The following ZNF19 variants were observed in gnomAD, a reference collection of about 807,000 sequenced individuals.
ZNF19 encodes the protein zinc finger protein 19 (KOX 12).
A neutral mutation model predicts 13.1 loss-of-function variants in ZNF19; 11 were observed. The observed-to-expected ratio is 0.84, with a 90% CI of 0.53 to 1.39. The LOEUF is 1.39. ZNF19 is among the 40% of genes most tolerant of loss of function. ZNF19 has a pLI of 0.00. For missense variants in ZNF19, 560 were observed against 547.0 expected, an observed-to-expected ratio of 1.02 and a Z score of -0.24; for synonymous variants, 186 against 187.0, an observed-to-expected ratio of 0.99 and a Z score of 0.04.
At chr16:71,486,696 C>T (rs2145174300) in intron 1 of ZNF19, among the ~76,000 whole-genome samples, 1 of 152,282 alleles carries the variant, frequency 6.6e-6, no homozygotes, top group African/African-American at 2.4e-5. Flanking sequence ...GTTACAGCAG[C>T]AATAGAAAAT....
At chr16:71,482,021 T>C (rs996188802) in intron 3 of ZNF19, 61 bp downstream of exon 3, 2 of 1,583,816 alleles carry the variant, frequency 1.3e-6, no homozygotes, top group Non-Finnish European at 1.7e-6. Flanking sequence ...ATCACCTTTA[T>C]CCACCTCATT....
At chr16:71,484,565 T>C in intron 2 of ZNF19, 24 bp downstream of exon 2, 1 of 985,398 alleles carries the variant, frequency 1.0e-6, no homozygotes, top group Non-Finnish European at 1.2e-6. Context: ...CAAGGACTCC[T>C]AGGCGACAAA....
At chr16:71,484,447 C>G (rs1255657312) in intron 2 of ZNF19, 142 bp downstream of exon 2, 2 of 923,050 alleles carry the variant, frequency 2.2e-6, no homozygotes, top group Admixed American at 1.2e-4. Flanking sequence ...GACCGGCCCG[C>G]GAGCAGCCTC....
intron 2 of ZNF19, among the ~76,000 whole-genome samples, chr16:71,483,495 G>C (rs901469910): frequency 6.6e-6 from 1 of 152,078 alleles, no homozygotes; most frequent in Non-Finnish European, 1.5e-5. Context: ...TCTTCTGTAT[G>C]AACTACTCTT....
At chr16:71,484,023 C>T (rs1020957632) in intron 2 of ZNF19, among the ~76,000 whole-genome samples, 3 of 152,248 alleles carry the variant, frequency 2.0e-5, no homozygotes, top group Non-Finnish European at 4.4e-5. Flanking sequence ...GGATCAAGAA[C>T]ACTGTAGTAG....
At chr16:71,484,121 C>A (rs778346585) in intron 2 of ZNF19, among the ~76,000 whole-genome samples, 1 of 152,242 alleles carries the variant, frequency 6.6e-6, no homozygotes, top group Non-Finnish European at 1.5e-5. Flanking sequence ...ACTTGGTCTT[C>A]GATCTACGTG....
chr16:71,476,052 C>T lies in ZNF19; in HGVS notation c.495G>A (p.Glu165=). 1 of 1,614,226 alleles carries T rather than the reference C, an allele frequency of 6.2e-7. No individual in the cohort carries two copies. The highest frequency in any genetic ancestry group is 8.5e-7 in the Non-Finnish European group (1 of 1,180,022). The stretch of plus-strand genomic sequence containing the variant: ...AAAAGTAGCTGAAGGATTTCCCACA[C>T]TCCTCACATATGAAAGGTTTCCTTG... ...PCARKPFICE[E]CGKSFSYFSY... The change falls in exon 6 of 6, where the codon GAG becomes GAA. Residue 165 remains glutamate, a synonymous_variant. Coordinates refer to ENST00000288177, the MANE Select transcript of ZNF19 (RefSeq NM_006961.4).
rs1283408388 is a variant in ZNF19 at position 71,475,479 on chromosome 16, G to C, written c.1068C>G (p.Pro356=). Residue 356 remains proline (P), a synonymous_variant, in exon 6 of 6, where the codon CCC becomes CCG. Transcript: ENST00000288177. ...CTTTTCCACAATCTACACAGTCAAA[G>C]GGTTTCTCCTCACTGTGAATTCTCT... is the stretch of plus-strand genomic sequence containing the variant. ...RHQRIHSEEK[P]FDCVDCGKAF... The C allele has an allele frequency of 1.2e-6, 2 of 1,614,042 alleles. No individual in the cohort carries two copies. Among genetic ancestry groups the C allele is most frequent in the Non-Finnish European group, 1.7e-6 (2 of 1,180,040 alleles).
chr16:71,483,530 T>A (rs1462732262), intron 2 of ZNF19, among the ~76,000 whole-genome samples: 1 of 152,156 alleles, frequency 6.6e-6, no homozygotes, highest in African/African-American at 2.4e-5. Flanking sequence ...CCATTACAAC[T>A]GAGATTCTCT....
At chr16:71,487,623 TC>T (rs2043688501) in intron 1 of ZNF19, among the ~76,000 whole-genome samples, 1 of 152,206 alleles carries the variant, frequency 6.6e-6, no homozygotes, top group African/African-American at 2.4e-5. Flanking sequence ...AGCCTAACTA[TC>T]CAGCTCTCCC....
intron 1 of ZNF19, among the ~76,000 whole-genome samples, chr16:71,488,369 A>G (rs1443306667): frequency 4.0e-5 from 6 of 149,666 alleles, no homozygotes; most frequent in African/African-American, 7.4e-5. Flanking sequence ...AAAAAAAAAA[A>G]AAAAGAAAAA....
At chr16:71,484,933 T>C (rs1257998683) in intron 1 of ZNF19, among the ~76,000 whole-genome samples, 185 bp from the exon 2 acceptor site, 1 of 152,216 alleles carries the variant, frequency 6.6e-6, no homozygotes, top group Admixed American at 6.5e-5. Context: ...GCTATTCTCG[T>C]CACTAATTTG....
At position 71,475,968 on chromosome 16, in the gene ZNF19, C is replaced by G; in HGVS notation, c.579G>C (p.Glu193Asp). ...AATTACCATTAAAGGCTTTTCCACACTCACTACACTCAAAAGGTTTCTCCC... is the reference window on the plus strand; with the variant it reads ...AATTACCATTAAAGGCTTTTCCACAGTCACTACACTCAAAAGGTTTCTCCC... ...HTGEKPFECS[E>D]CGKAFNGNSS... The change falls in exon 6 of 6, where the codon GAG becomes GAC. Residue 193 changes from glutamate (E) to aspartate (D), a missense_variant. Coordinates refer to ENST00000288177, the MANE Select transcript of ZNF19 (RefSeq NM_006961.4). 2 of 1,614,154 alleles carry G rather than the reference C, an allele frequency of 1.2e-6. No individual in the cohort carries two copies. The highest frequency in any genetic ancestry group is 1.1e-5 in the South Asian group (1 of 91,080).
chr16:71,475,511 G>A lies in ZNF19; in HGVS notation c.1036C>T (p.Arg346Trp), dbSNP rs767292163. ...QAFNFHTKLT[R>W]HQRIHSEEKP... The stretch of plus-strand genomic sequence containing the variant: ...TCCTCACTGTGAATTCTCTGGTGCC[G>A]AGTTAGTTTTGTATGAAAATTGAAG... Residue 346 changes from arginine (R) to tryptophan (W), a missense_variant, in exon 6 of 6, where the codon CGG becomes TGG. Physicochemically the swap from Arg to Trp is moderately radical, Grantham distance 101 (BLOSUM62 -3). Coordinates refer to ENST00000288177, the MANE Select transcript of ZNF19 (RefSeq NM_006961.4). 70 of 1,614,020 alleles carry A rather than the reference G, an allele frequency of 4.3e-5. No individual in the cohort carries two copies. Among genetic ancestry groups the A allele is most frequent in the East Asian group, 1.1e-4 (5 of 44,896 alleles).
rs532280544 is a variant in ZNF19, at chr16:71,488,301, A to G, written c.-190+971T>C. Among the ~76,000 whole-genome samples the G allele has an allele frequency of 2.0e-5, 3 of 151,602 alleles. No individual in the cohort carries two copies. In the East Asian group the frequency reaches 5.8e-4, roughly 29 times the overall value. On this transcript the variant is annotated intron_variant, in intron 1 of 5. Coordinates refer to ENST00000288177, the MANE Select transcript of ZNF19 (RefSeq NM_006961.4). ...CTTGAACCCGGGAGGTGGAGGATGC[A>G]GTAAGCTGAGAATATGCCACTGCAC...
chr16:71,476,015 T>A lies in ZNF19; in HGVS notation c.532A>T (p.Arg178Ter), dbSNP rs774689136. 3.1e-6 allele frequency: 5 copies of A among 1,614,196 alleles called. No homozygotes were observed. Among genetic ancestry groups the A allele is most frequent in the Non-Finnish European group, 4.2e-6 (5 of 1,180,024 alleles). The change falls in exon 6 of 6, where the codon AGA (arginine) becomes TGA (stop). Residue 178 changes from arginine (R) to a stop codon, truncating the protein, a stop_gained. Coordinates refer to ENST00000288177, the MANE Select transcript of ZNF19 (RefSeq NM_006961.4). LOFTEE classifies it low-confidence loss of function (END_TRUNC). ...KSFSYFSYYA[R>*]HQRIHTGEKP... ...TCCCCAGTGTGGATTCTCTGGTGTC[T>A]AGCATAGTAAGAAAAGTAGCTGAAG...
intron 4 of ZNF19, 93 bp from the exon 5 acceptor site, chr16:71,478,434 CA>C (rs989297075): frequency 5.6e-6 from 5 of 899,676 alleles, no homozygotes; most frequent in Non-Finnish European, 9.1e-6. Context: ...ATAAGACCCA[CA>C]GAAGAGGGTT....
intron 5 of ZNF19, chr16:71,477,761 C>T (rs1050256066): frequency 1.3e-5 from 2 of 159,002 alleles, no homozygotes; most frequent in Non-Finnish European, 2.8e-5. Context: ...GCCATGACTT[C>T]CTAGTGTTAT....
chr16:71,478,316 C>G lies in ZNF19; in HGVS notation c.186G>C (p.Leu62=). Residue 62 remains leucine (L), a synonymous_variant, in exon 5 of 6, where the codon CTG becomes CTC. Coordinates refer to ENST00000288177, the MANE Select transcript of ZNF19 (RefSeq NM_006961.4). ...TGTCCCCTCTCTCCAAAAGTGAGAT[C>G]AGTGCAGGTTTGGGAACTGGGTACC... ...ALGYPVPKPA[L]ISLLERGDMA... 1 of 1,613,916 alleles carries G rather than the reference C, an allele frequency of 6.2e-7. No individual in the cohort carries two copies. Among genetic ancestry groups the G allele is most frequent in the African/African-American group, 1.3e-5 (1 of 75,018 alleles).
Sources: allele counts gnomAD v4.1 joint callset (sites outside exome capture counted in the v4.1 genomes callset), GRCh38; gene constraint gnomAD v4.1.1; transcripts MANE v1.5; gene names NCBI Gene and HGNC (gene_info 2026-07-23, HGNC 2026-07-21).